The following SYT15 variants were observed in gnomAD, a reference collection of about 807,000 sequenced individuals.
The protein encoded by SYT15 is synaptotagmin-15.
A neutral mutation model predicts 30.1 loss-of-function variants in SYT15; 4 were observed. That is an observed-to-expected ratio of 0.13 (90% CI 0.07 to 0.30). SYT15 has a LOEUF of 0.30. Ranked by LOEUF, SYT15 falls within the 10% of genes least tolerant of loss-of-function variation. The pLI is 1.00. For synonymous variants in SYT15, 19 were observed against 166.3 expected (o/e 0.11, Z 6.82); for missense variants, 49 against 371.7 (o/e 0.13, Z 7.14).
At chr10:46,596,406 G>A (rs1845687922), downstream of SYT15, 3 of 148,314 alleles carry the variant, frequency 2.0e-5, no homozygotes. Flanking sequence ...TCTCACCTGA[G>A]TGCCTCACAT....
intron 5 of SYT15, 60 bp from the exon 6 acceptor site, chr10:46,584,435 T>C: frequency 1.2e-6 from 2 of 1,600,724 alleles, no homozygotes; most frequent in Non-Finnish European, 1.7e-6. Flanking sequence ...GGGGGTTCTG[T>C]GACCCCTTCA....
downstream of SYT15, chr10:46,595,889 T>C: frequency 1.4e-5 from 2 of 141,516 alleles, no homozygotes; most frequent in Middle Eastern, 3.7e-3. Context: ...CAAGCTGCAT[T>C]GTGCAGATGC....
At chr10:46,584,295 T>C (rs759167278) in intron 5 of SYT15, among the ~76,000 whole-genome samples, 200 bp from the exon 6 acceptor site, 1,157 of 150,256 alleles carry the variant, frequency 7.7e-3, no homozygotes, top group South Asian at 0.018. Flanking sequence ...TTAGCTCTGG[T>C]CCACAGGACT....
chr10:46,593,296 T>C (rs1845536719), downstream of SYT15: 4 of 144,430 alleles, frequency 2.8e-5, 1 homozygote, highest in African/African-American at 1.1e-4. Context: ...GCAGTTTAAG[T>C]ATAGTGTGCC....
At chr10:46,584,169 T>C (rs1589008649) in intron 5 of SYT15, among the ~76,000 whole-genome samples, 1 of 150,082 alleles carries the variant, frequency 6.7e-6, no homozygotes. Context: ...TGGATTCTTA[T>C]CTAGGTTAGA....
intron 4 of SYT15, 37 bp downstream of exon 4, chr10:46,582,228 C>A: frequency 1.3e-6 from 2 of 1,597,640 alleles, no homozygotes; most frequent in South Asian, 2.3e-5. Flanking sequence ...TGGTGCCCTC[C>A]GCGTTGCTGG....
At chr10:46,596,788 C>T (rs574550250), downstream of SYT15, 5 of 433,104 alleles carry the variant, frequency 1.2e-5, 1 homozygote, top group East Asian at 3.5e-4. Context: ...CGCCCAATGC[C>T]TGGAGCCAAA....
downstream of SYT15, among the ~76,000 whole-genome samples, chr10:46,594,360 A>G (rs504663): frequency 1.5e-4 from 15 of 99,456 alleles, no homozygotes; most frequent in South Asian, 1.2e-3. Flanking sequence ...AAGGATTCCA[A>G]CTGAGTGTCT....
At position 46,584,475 on chromosome 10, in the gene SYT15, T is replaced by C. The variant is rs1442650368; in HGVS notation, c.823-20T>C. The C allele has an allele frequency of 6.2e-7, 1 of 1,612,900 alleles. No homozygotes were observed. Among genetic ancestry groups the C allele is most frequent in the Non-Finnish European group, 8.5e-7 (1 of 1,179,642 alleles). The stretch of plus-strand genomic sequence containing the variant: ...TTGCCAGAGTAACAGGGTGGGGTGC[T>C]TCCATCTTGGCCTCCCCAGCCCCCC... On this transcript the variant is annotated intron_variant, in intron 5 of 7. Transcript: ENST00000374321.
rs1844341238 is a variant in SYT15 at position 46,582,384 on chromosome 10, A to AGGG, written c.651+194_651+195insGGG. On this transcript the variant is annotated intron_variant, in intron 4 of 7. Transcript: ENST00000374321. ...CTGATCCCTGATAGAGGGGCAGGGG[A>AGGG]GAGATTTGGTGAGTGGTGACCAGAA... 2.7e-5 allele frequency among the ~76,000 whole-genome samples: 4 copies of AGGG among 148,842 alleles called. No homozygotes were observed. In the South Asian group the frequency reaches 8.5e-4, roughly 32 times the overall value.
chr10:46,580,837 C>T lies in SYT15; in HGVS notation c.213-57C>T. 23 of 1,430,202 alleles carry T rather than the reference C, an allele frequency of 1.6e-5. 1 individual carries two copies. The highest frequency in any genetic ancestry group is 2.0e-5 in the Non-Finnish European group (22 of 1,077,204). 88.6% of individuals were successfully genotyped at this position (1,430,202 alleles called of 1,614,324 possible). On this transcript the variant is annotated intron_variant, in intron 2 of 7. Transcript: ENST00000374321. Reference sequence around the variant, plus strand: ...GGTGCTCAACCGTCCTGGCTGAGCGCTCTGAGACCACACCATTGACTTGCC... The same window carrying T: ...GGTGCTCAACCGTCCTGGCTGAGCGTTCTGAGACCACACCATTGACTTGCC...
chr10:46,580,715 T>TGC (rs1392734018), intron 2 of SYT15, among the ~76,000 whole-genome samples, 179 bp from the exon 3 acceptor site: 2 of 123,804 alleles, frequency 1.6e-5, no homozygotes, highest in African/African-American at 6.4e-5. Flanking sequence ...TGTGTGTGTG[T>TGC]GTGCGTGTGT....
chr10:46,582,496 A>G (rs1183878124), intron 4 of SYT15, among the ~76,000 whole-genome samples: 3 of 146,706 alleles, frequency 2.0e-5, no homozygotes, highest in Non-Finnish European at 4.5e-5. Context: ...GCCCTGGCCT[A>G]TGGGGCTCAG....
chr10:46,586,767 C>T lies in SYT15; in HGVS notation c.1124-738C>T, dbSNP rs551892986. Among the ~76,000 whole-genome samples, 163 of 104,634 alleles carry T rather than the reference C, an allele frequency of 1.6e-3. 5 individuals are homozygous for T. The highest frequency in any genetic ancestry group is 3.7e-3 in the Admixed American group (39 of 10,490). The allele number at this position is 104,634 out of a possible 152,430, so 68.6% of individuals were successfully genotyped here. A position where few individuals can be genotyped will look rare whatever the true frequency, so the allele number is the denominator to read the frequency against. On this transcript the variant is annotated intron_variant, in intron 7 of 7. Coordinates refer to ENST00000374321, the MANE Select transcript of SYT15 (RefSeq NM_031912.5). ...GGCTGAAGCAGAAGAATCACTTGAA[C>T]CCGGGAGGCAGAGGTTGCAGTGAGC... is the stretch of plus-strand genomic sequence containing the variant.
downstream of SYT15, chr10:46,592,158 G>T (rs1183912774): frequency 5.7e-5 from 8 of 141,090 alleles, 1 homozygote; most frequent in African/African-American, 2.2e-4. Flanking sequence ...CCTACCATTG[G>T]TTCTACTTAC....
chr10:46,579,387 AC>A (rs1159742982), intron 1 of SYT15, among the ~76,000 whole-genome samples: 1 of 86,044 alleles, frequency 1.2e-5, no homozygotes, highest in Non-Finnish European at 2.2e-5. Flanking sequence ...CCTTCTCACC[AC>A]CCCACCCAGT....
chr10:46,584,396 G>A lies in SYT15; in HGVS notation c.823-99G>A, dbSNP rs1357500425. 3.6e-6 allele frequency: 5 copies of A among 1,386,890 alleles called. No individual in the cohort carries two copies. In the Admixed American group the frequency reaches 7.0e-5, roughly 19 times the overall value. 85.9% of individuals were successfully genotyped at this position (1,386,890 alleles called of 1,614,324 possible). On this transcript the variant is annotated intron_variant, in intron 5 of 7. Coordinates refer to ENST00000374321, the MANE Select transcript of SYT15 (RefSeq NM_031912.5). ...GGGGACCATGCGGGTGTGTCGCATG[G>A]ACCGCTAGGAGGAAGCGGGAGGCTC...
rs557452410 is a variant in SYT15, at chr10:46,580,937, CGAGAT to C, written c.257_261del (p.Arg86LeufsTer53). 8.2e-3 allele frequency: 10,649 copies of C among 1,304,706 alleles called. 762 individuals are homozygous for C. Among genetic ancestry groups the C allele is most frequent in the Non-Finnish European group, 9.9e-3 (9,609 of 970,426 alleles). The allele number at this position is 1,304,706 out of a possible 1,614,324, so 80.8% of individuals were successfully genotyped here. The stretch of plus-strand genomic sequence containing the variant: ...CGTGGTGCCCCCAACCCTTCAAGGC[CGAGAT>C]TGGGTGCCCCTGCACAGTGGAGAGT... On this transcript the variant is annotated frameshift_variant, in exon 3 of 8. Transcript: ENST00000374321. LOFTEE classifies it high-confidence loss of function.
downstream of SYT15, among the ~76,000 whole-genome samples, chr10:46,594,527 C>T (rs1845597441): frequency 1.4e-5 from 2 of 140,712 alleles, 1 homozygote; most frequent in African/African-American, 5.8e-5. Flanking sequence ...TCTGTGTCTC[C>T]CTTCTACATG....
Sources: gnomAD v4.1 joint callset for allele counts (sites outside exome capture counted in the v4.1 genomes callset) on GRCh38, gnomAD v4.1.1 for gene constraint, MANE v1.5 for transcripts, NCBI Gene and HGNC (gene_info 2026-07-23, HGNC 2026-07-21) for gene names.